Variants in SGCD observed in about 807,000 individuals in gnomAD.
SGCD encodes the protein sarcoglycan delta, also known as delta-sarcoglycan.
SGCD carries 18 observed loss-of-function variants against 36.6 expected under a neutral mutation model. That is an observed-to-expected ratio of 0.49 (90% CI 0.34 to 0.73). The LOEUF is 0.73. Ranked by LOEUF, SGCD falls within the 30% of genes least tolerant of loss-of-function variation. The pLI is 0.01. For missense variants in SGCD, 387 were observed against 346.7 expected (o/e 1.12, Z -0.92); for synonymous variants, 133 against 130.6 (o/e 1.02, Z -0.12).
At chr5:156,653,186 T>C (rs758345310) in intron 7 of SGCD, among the ~76,000 whole-genome samples, 13 of 152,166 alleles carry the variant, frequency 8.5e-5, no homozygotes, top group Non-Finnish European at 1.5e-4. Context: ...CTCTTCTTTG[T>C]ACATCTGGTA....
At chr5:156,490,002 CAA>C (rs34285044) in intron 3 of SGCD, among the ~76,000 whole-genome samples, 13,290 of 151,608 alleles carry the variant, frequency 0.088, 1,915 homozygotes, top group African/African-American at 0.3. Flanking sequence ...AGAGAGGACT[CAA>C]ATAATTAAAA....
chr5:155,934,510 T>C (rs1456616358), intron 1 of SGCD, among the ~76,000 whole-genome samples: 1 of 152,246 alleles, frequency 6.6e-6, no homozygotes, highest in Non-Finnish European at 1.5e-5. Context: ...TCCAACTTGG[T>C]ACAGCTTTAA....
intron 4 of SGCD, among the ~76,000 whole-genome samples, chr5:156,532,484 G>A (rs1347237586): frequency 6.6e-6 from 1 of 151,974 alleles, no homozygotes; most frequent in African/African-American, 2.4e-5. Flanking sequence ...TATTTGAGAT[G>A]GAGTTTTGCT....
In SGCD at chr5:156,350,925, G is replaced by C. The variant is rs978933394; in HGVS notation, c.192+6248G>C. Among the ~76,000 whole-genome samples, 3 of 152,094 alleles carry C rather than the reference G, an allele frequency of 2.0e-5. No homozygotes were observed. In the South Asian group the frequency reaches 6.2e-4, roughly 31 times the overall value. Reference sequence around the variant, plus strand: ...CTGAAAGACAGCTAGTAAGTAAAACGCTGGTGTTTGACTTCCTGTCTCAAC... The same window carrying C: ...CTGAAAGACAGCTAGTAAGTAAAACCCTGGTGTTTGACTTCCTGTCTCAAC... On this transcript the variant is annotated intron_variant, in intron 3 of 8. Transcript: ENST00000337851.
intron 1 of SGCD, among the ~76,000 whole-genome samples, chr5:156,006,838 G>A (rs1282597638): frequency 6.6e-6 from 1 of 152,094 alleles, no homozygotes; most frequent in Non-Finnish European, 1.5e-5. Context: ...ATGTGTTGAG[G>A]GGAGAGTTTC....
intron 4 of SGCD, among the ~76,000 whole-genome samples, chr5:156,531,454 T>A (rs996425881): frequency 7.2e-5 from 11 of 152,124 alleles, no homozygotes; most frequent in Non-Finnish European, 1.5e-4. Flanking sequence ...TTACACAAAG[T>A]ATAAGAAGAT....
chr5:155,852,978 T>C, the SGCD span, among the ~76,000 whole-genome samples: 1 of 152,114 alleles, frequency 6.6e-6, no homozygotes. Context: ...ATGCTCCTAA[T>C]AATTCCTTCT....
At position 156,465,429 on chromosome 5, in the gene SGCD, C is replaced by T. The variant is rs535147547; in HGVS notation, c.193-43172C>T. On this transcript the variant is annotated intron_variant, in intron 3 of 8. Coordinates refer to ENST00000337851, the MANE Select transcript of SGCD (RefSeq NM_000337.6). ...TTGGGAAAATAAAATCTTTAGGCAACGTTCTACAGTTACTTCTGGTAAGGT... is the reference window on the plus strand; with the variant it reads ...TTGGGAAAATAAAATCTTTAGGCAATGTTCTACAGTTACTTCTGGTAAGGT... Among the ~76,000 whole-genome samples, 18 of 152,218 alleles carry T rather than the reference C, an allele frequency of 1.2e-4. No individual in the cohort carries two copies. In the East Asian group the frequency reaches 1.9e-3, roughly 16 times the overall value.
At chr5:156,643,157 C>T (rs1048868437) in intron 6 of SGCD, among the ~76,000 whole-genome samples, 6 of 151,688 alleles carry the variant, frequency 4.0e-5, no homozygotes, top group African/African-American at 1.2e-4. Context: ...CTCAGCCTCC[C>T]GAGTAGCTGG....
At chr5:156,501,200 A>G (rs1756433914) in intron 3 of SGCD, among the ~76,000 whole-genome samples, 2 of 152,168 alleles carry the variant, frequency 1.3e-5, no homozygotes, top group African/African-American at 2.4e-5. Context: ...CCAGTGGGAG[A>G]ATATCTCCTC....
At chr5:156,669,592 T>G (rs1753204675) in intron 7 of SGCD, among the ~76,000 whole-genome samples, 1 of 152,208 alleles carries the variant, frequency 6.6e-6, no homozygotes, top group African/African-American at 2.4e-5. Flanking sequence ...TAAAGATGAT[T>G]TGTCAAATGA....
At chr5:156,127,367 G>A (rs1456215180) in intron 3 of SGCD, among the ~76,000 whole-genome samples, 3 of 152,104 alleles carry the variant, frequency 2.0e-5, no homozygotes, top group African/African-American at 7.2e-5. Flanking sequence ...GATTTGAGAG[G>A]CCAAGAGGAG....
intron 3 of SGCD, among the ~76,000 whole-genome samples, chr5:156,437,036 T>C (rs978583119): frequency 5.3e-5 from 8 of 152,138 alleles, no homozygotes; most frequent in African/African-American, 1.9e-4. Context: ...TTTATTCCCA[T>C]TCATTTCTCA....
At chr5:156,270,698 C>A (rs529696361) in intron 3 of SGCD, among the ~76,000 whole-genome samples, 1 of 152,296 alleles carries the variant, frequency 6.6e-6, no homozygotes, top group African/African-American at 2.4e-5. Flanking sequence ...CTTCAACTCT[C>A]TATTTACTGG....
intron 3 of SGCD, among the ~76,000 whole-genome samples, chr5:156,134,728 G>A (rs1434331309): frequency 1.3e-5 from 2 of 151,770 alleles, no homozygotes; most frequent in Non-Finnish European, 2.9e-5. Flanking sequence ...ATAGCATTAG[G>A]AGATATACCT....
intron 3 of SGCD, among the ~76,000 whole-genome samples, chr5:156,391,848 G>A (rs1771589146): frequency 6.6e-6 from 1 of 152,050 alleles, no homozygotes; most frequent in African/African-American, 2.4e-5. Flanking sequence ...CTTTTTTGTT[G>A]AAATGTTCTT....
rs566245142 is a variant in SGCD, at chr5:155,959,715, A to G, written c.-282+89291A>G. 2.6e-5 allele frequency among the ~76,000 whole-genome samples: 4 copies of G among 152,214 alleles called. No individual in the cohort carries two copies. The East Asian group carries it at 7.7e-4, about 29-fold the overall frequency. ...TGCAAGTTTTAGTAGTACTTTTATA[A>G]ATATGTTAGCTATATATTTAGCAAT... On this transcript the variant is annotated intron_variant, in intron 1 of 9. Coordinates refer to the SGCD transcript ENST00000517913.
intron 3 of SGCD, among the ~76,000 whole-genome samples, chr5:156,496,160 G>C (rs1302672218): frequency 2.0e-5 from 3 of 152,034 alleles, no homozygotes; most frequent in African/African-American, 7.2e-5. Context: ...TCTTTTACAA[G>C]TACAAATGAC....
intron 1 of SGCD, among the ~76,000 whole-genome samples, chr5:155,953,881 A>C (rs1467617644): frequency 6.6e-6 from 1 of 152,234 alleles, no homozygotes; most frequent in Non-Finnish European, 1.5e-5. Context: ...AGTTTAACCT[A>C]AAGATCTCTG....
Sources: gnomAD v4.1 joint callset for allele counts (sites outside exome capture counted in the v4.1 genomes callset) on GRCh38, gnomAD v4.1.1 for gene constraint, MANE v1.5 for transcripts, NCBI Gene and HGNC (gene_info 2026-07-23, HGNC 2026-07-21) for gene names.